Variants in REPS1 observed in about 807,000 individuals in gnomAD.
REPS1 encodes the protein RALBP1 associated Eps domain containing 1.
Under a neutral mutation model 100.9 loss-of-function variants are expected in REPS1, and 39 were observed. The ratio of observed to expected loss-of-function variants is 0.39; its 90% CI spans 0.30 to 0.50. The LOEUF (loss-of-function observed/expected upper bound fraction) is 0.50. Among genes scored for constraint, REPS1 ranks in the 20% least tolerant of loss-of-function variants. The probability of loss-of-function intolerance (pLI) is 0.86; values close to 1 mark genes in which losing one functional copy is unlikely to be tolerated. For synonymous variants in REPS1, 324 were observed against 340.3 expected (o/e 0.95, Z 0.53); for missense variants, 821 against 968.5 (o/e 0.85, Z 2.02).
rs182815251 is a variant in REPS1, at chr6:138,988,240, G to A, written c.-558C>T. The A allele has an allele frequency of 4.8e-3, 1,909 of 398,154 alleles. 31 individuals carry two copies. The highest frequency in any genetic ancestry group is 0.036 in the African/African-American group (1,748 of 48,714). The allele number at this position is 398,154 out of a possible 1,614,324, so 24.7% of individuals were successfully genotyped here. On this transcript the variant is annotated 5_prime_UTR_variant, in exon 1 of 20. Coordinates refer to ENST00000450536, the MANE Select transcript of REPS1 (RefSeq NM_001286611.2). The stretch of plus-strand genomic sequence containing the variant: ...GCCCCGGCCCGGCCCCGACGCGCCC[G>A]CACCAACAGTGACAGCGGCGGCCGC...
intron 1 of REPS1, 137 bp from the exon 2 acceptor site, chr6:138,948,050 C>G: frequency 1.6e-6 from 1 of 609,510 alleles, no homozygotes; most frequent in Non-Finnish European, 2.4e-6. Flanking sequence ...TGACAACCAA[C>G]TTCCTCAAGT....
In REPS1 at chr6:138,911,478, A is replaced by G; in HGVS notation, c.1972-107T>C. ...TAAAATGTTAAATATTCTGACAAGAAAACTGAGATGATGATAAGAAACTTG... is the reference window on the plus strand; with the variant it reads ...TAAAATGTTAAATATTCTGACAAGAGAACTGAGATGATGATAAGAAACTTG... On this transcript the variant is annotated intron_variant, in intron 16 of 19. Coordinates refer to ENST00000450536, the MANE Select transcript of REPS1 (RefSeq NM_001286611.2). The G allele has an allele frequency of 3.8e-6, 3 of 784,590 alleles. No homozygotes were observed. In the East Asian group the frequency reaches 8.2e-5, roughly 21 times the overall value. The allele number at this position is 784,590 out of a possible 1,614,324, so 48.6% of individuals were successfully genotyped here.
intron 1 of REPS1, among the ~76,000 whole-genome samples, chr6:138,986,130 G>A (rs1446007401): frequency 6.6e-6 from 1 of 152,144 alleles, no homozygotes; most frequent in Non-Finnish European, 1.5e-5. Context: ...CCTGAGCTAA[G>A]AATGGCTTTA....
intron 1 of REPS1, among the ~76,000 whole-genome samples, chr6:138,964,200 A>G (rs1347871057): frequency 6.6e-6 from 1 of 150,808 alleles, no homozygotes; most frequent in Non-Finnish European, 1.5e-5. Flanking sequence ...GTAAACAGAC[A>G]TTCTCTTGTT....
At chr6:138,931,105 T>C (rs1256172334) in intron 8 of REPS1, among the ~76,000 whole-genome samples, 1 of 152,182 alleles carries the variant, frequency 6.6e-6, no homozygotes, top group African/African-American at 2.4e-5. Context: ...CATTACAATA[T>C]CATTGTGTCT....
intron 5 of REPS1, 60 bp downstream of exon 5, chr6:138,944,438 C>A: frequency 1.3e-6 from 2 of 1,536,264 alleles, no homozygotes; most frequent in South Asian, 1.2e-5. Context: ...ATAAAAACAA[C>A]GACTGGAGCA....
At chr6:138,958,505 A>G (rs1425012732) in intron 1 of REPS1, among the ~76,000 whole-genome samples, 1 of 86,666 alleles carries the variant, frequency 1.2e-5, no homozygotes, top group Non-Finnish European at 2.0e-5. Context: ...CTCGCCCCCC[A>G]CTCCCCAACA....
At chr6:138,966,331 G>A (rs1219198299) in intron 1 of REPS1, among the ~76,000 whole-genome samples, 1 of 152,104 alleles carries the variant, frequency 6.6e-6, no homozygotes, top group East Asian at 1.9e-4. Context: ...CTTATAATAT[G>A]ATAAAGAGAA....
chr6:138,906,679 C>T (rs1418320246), intron 19 of REPS1, among the ~76,000 whole-genome samples: 2 of 152,200 alleles, frequency 1.3e-5, no homozygotes, highest in African/African-American at 2.4e-5. Context: ...TCCATGGACT[C>T]TCATCTCATC....
intron 1 of REPS1, among the ~76,000 whole-genome samples, chr6:138,984,064 ATCTC>A (rs1194338189): frequency 6.3e-5 from 9 of 141,850 alleles, no homozygotes; most frequent in Non-Finnish European, 9.1e-5. Flanking sequence ...AATCTCTACC[ATCTC>A]TCTCTCTCTC....
intron 1 of REPS1, among the ~76,000 whole-genome samples, chr6:138,987,313 C>A (rs1582880807): frequency 6.6e-6 from 1 of 152,174 alleles, no homozygotes; most frequent in East Asian, 1.9e-4. Flanking sequence ...CTCTTCAGAC[C>A]CCCACCACAG....
At position 138,917,600 on chromosome 6, in the gene REPS1, A is replaced by G. The variant is rs1376912748; in HGVS notation, c.1556T>C (p.Phe519Ser). The change falls in exon 13 of 20, where the codon TTT becomes TCT. Residue 519 changes from phenylalanine (F) to serine (S), a missense_variant. By Grantham distance (155) the Phe-to-Ser change is radical. Around this residue, in one of 3 missense-constraint regions of REPS1, gnomAD observed 757 missense variants for 866.4 expected, o/e 0.87. Coordinates refer to ENST00000450536, the MANE Select transcript of REPS1 (RefSeq NM_001286611.2). ...VADGYSSSDS[F>S]TSDPEQIGSN... is the part of the protein sequence containing the mutation. ...CCCGATCTGTTCTGGGTCAGAAGTA[A>G]AAGAGTCTGAACTACTGTAACCATC... 6.2e-7 allele frequency: 1 copy of G among 1,613,556 alleles called. No homozygotes were observed. Among genetic ancestry groups the G allele is most frequent in the East Asian group, 2.2e-5 (1 of 44,844 alleles).
intron 1 of REPS1, among the ~76,000 whole-genome samples, chr6:138,984,081 T>C (rs1190342217): frequency 2.0e-5 from 3 of 148,234 alleles, no homozygotes; most frequent in East Asian, 2.0e-4. Context: ...TCTCTCTCTT[T>C]TTTTTTTTTT....
intron 1 of REPS1, among the ~76,000 whole-genome samples, chr6:138,970,151 G>A (rs115259940): frequency 2.8e-4 from 43 of 152,190 alleles, no homozygotes; most frequent in African/African-American, 1.0e-3. Flanking sequence ...CACTATAGTA[G>A]TTCATCAATG....
chr6:138,927,785 C>T (rs1415575588), intron 9 of REPS1: 7 of 152,146 alleles, frequency 4.6e-5, no homozygotes, highest in African/African-American at 1.7e-4. Context: ...AAGAATCCCA[C>T]AATAATTACT....
chr6:138,939,421 G>GA (rs1465735306), intron 8 of REPS1, among the ~76,000 whole-genome samples: 2 of 151,992 alleles, frequency 1.3e-5, no homozygotes, highest in Non-Finnish European at 2.9e-5. Context: ...TAAATGCCCA[G>GA]AAAAAAATTT....
chr6:138,917,692 A>C (rs1165771004), intron 12 of REPS1, 65 bp from the exon 13 acceptor site: 3 of 1,298,784 alleles, frequency 2.3e-6, no homozygotes, highest in East Asian at 4.8e-5. Flanking sequence ...TATCTACTCC[A>C]AACAAATATA....
Position 138,917,537 on chromosome 6 carries a change from A to G in REPS1, c.1601+18T>C. ...AGCAAGATAGTTTAACATGCTTTTC[A>G]TTGACAGAAATACTGACCTTTGACG... On this transcript the variant is annotated intron_variant, in intron 13 of 19. Transcript: ENST00000450536. 1 of 1,593,000 alleles carries G rather than the reference A, an allele frequency of 6.3e-7. No homozygotes were observed. Among genetic ancestry groups the G allele is most frequent in the Non-Finnish European group, 8.6e-7 (1 of 1,161,060 alleles).
chr6:138,974,721 G>C (rs1057292027), intron 1 of REPS1, among the ~76,000 whole-genome samples: 3 of 152,136 alleles, frequency 2.0e-5, no homozygotes, highest in African/African-American at 7.2e-5. Flanking sequence ...GACAATATCA[G>C]AGTTAATTAA....
Sources: allele counts gnomAD v4.1 joint callset (sites outside exome capture counted in the v4.1 genomes callset), GRCh38; gene constraint gnomAD v4.1.1; regional missense constraint gnomAD v4.1.1; transcripts MANE v1.5; gene names NCBI Gene and HGNC (gene_info 2026-07-23, HGNC 2026-07-21).